CTBP2: variants seen among roughly 807,000 people sequenced by gnomAD.
CTBP2 encodes C-terminal-binding protein 2.
CTBP2 carries 30 observed loss-of-function variants against 80.3 expected under a neutral mutation model. That is an observed-to-expected ratio of 0.37 (90% CI 0.28 to 0.51). CTBP2 has a LOEUF of 0.51. Ranked by LOEUF, CTBP2 falls within the 20% of genes least tolerant of loss-of-function variation. CTBP2 has a pLI of 0.93. For synonymous variants in CTBP2, 594 were observed against 587.4 expected, an observed-to-expected ratio of 1.01 and a Z score of -0.16; for missense variants, 1,212 against 1,375.3, an observed-to-expected ratio of 0.88 and a Z score of 1.88.
intron 2 of CTBP2, among the ~76,000 whole-genome samples, chr10:125,097,510 G>A (rs562991650): frequency 5.3e-5 from 8 of 152,294 alleles, no homozygotes; most frequent in East Asian, 3.9e-4. Flanking sequence ...ACCCAAGGAA[G>A]CCAGCGCAAC....
chr10:124,994,726 G>A (rs373257614), intron 4 of CTBP2, 43 bp from the exon 7 acceptor site: 418 of 1,587,310 alleles, frequency 2.6e-4, no homozygotes, highest in Middle Eastern at 3.3e-4. Context: ...TCCACAGCCC[G>A]CGCCCCAGCG....
chr10:125,047,216 T>C (rs773057914), intron 2 of CTBP2, among the ~76,000 whole-genome samples: 8 of 152,234 alleles, frequency 5.3e-5, no homozygotes, highest in Non-Finnish European at 7.3e-5. Context: ...TGACACCTCT[T>C]ATTCCTGTCT....
At chr10:124,996,303 G>C (rs1228937792) in intron 4 of CTBP2, 1 of 151,564 alleles carries the variant, frequency 6.6e-6, no homozygotes, top group Non-Finnish European at 1.5e-5. Context: ...TGGCGGCACC[G>C]TCCCACCCCG....
chr10:125,004,736 G>A (rs1384840064), intron 1 of CTBP2, among the ~76,000 whole-genome samples: 1 of 152,270 alleles, frequency 6.6e-6, no homozygotes, highest in South Asian at 2.1e-4. Context: ...GAGGCTGGAC[G>A]GTCCAGGCCA....
intron 1 of CTBP2, chr10:125,025,958 G>C: frequency 7.9e-7 from 1 of 1,267,302 alleles, no homozygotes; most frequent in Non-Finnish European, 1.1e-6. Flanking sequence ...CTTCTTGTTT[G>C]GTGGTGTGTG....
chr10:125,146,737 C>G (rs1858854309), intron 1 of CTBP2, among the ~76,000 whole-genome samples: 2 of 152,182 alleles, frequency 1.3e-5, no homozygotes, highest in Admixed American at 1.3e-4. Flanking sequence ...CTATTCACAC[C>G]TGGAGCCCCA....
rs1019659229 is a variant in CTBP2 at position 125,130,350 on chromosome 10, G to A, written c.-205-19257C>T. On this transcript the variant is annotated intron_variant, in intron 1 of 10. Transcript: ENST00000337195. ...AGGTGTGAGCCACCATGCCTGGCCAGCCCACAGGACTTCTAGCCTTCCCTT... is the reference window on the plus strand; with the variant it reads ...AGGTGTGAGCCACCATGCCTGGCCAACCCACAGGACTTCTAGCCTTCCCTT... 2.0e-5 allele frequency among the ~76,000 whole-genome samples: 3 copies of A among 152,176 alleles called. No individual in the cohort carries two copies. The East Asian group carries it at 5.8e-4, about 29-fold the overall frequency.
intron 2 of CTBP2, among the ~76,000 whole-genome samples, chr10:125,087,753 C>A (rs917473633): frequency 6.6e-6 from 1 of 152,246 alleles, no homozygotes; most frequent in Admixed American, 6.5e-5. Flanking sequence ...CCACAACATG[C>A]CTTGTGGCCA....
intron 1 of CTBP2, among the ~76,000 whole-genome samples, chr10:125,111,914 C>T (rs1852348763): frequency 6.6e-6 from 1 of 152,044 alleles, no homozygotes; most frequent in Non-Finnish European, 1.5e-5. Context: ...GAATTTAACA[C>T]TGGAGTTGCT....
intron 1 of CTBP2, among the ~76,000 whole-genome samples, chr10:125,008,409 T>C (rs4962417): frequency 0.95 from 144,820 of 152,346 alleles, 68,937 homozygotes; most frequent in Non-Finnish European, 0.98. Context: ...CCCCATGAAG[T>C]CCCTGCAGGT....
intron 3 of CTBP2, 21 bp downstream of exon 5, chr10:125,002,939 C>G (rs200069004): frequency 2.6e-4 from 412 of 1,610,838 alleles, no homozygotes; most frequent in Non-Finnish European, 3.3e-4. Flanking sequence ...CTCCAGGCAG[C>G]CAGCGCTGCC....
At chr10:125,095,786 T>C (rs1286675213) in intron 2 of CTBP2, among the ~76,000 whole-genome samples, 1 of 152,192 alleles carries the variant, frequency 6.6e-6, no homozygotes, top group Non-Finnish European at 1.5e-5. Context: ...CAGCACAGTT[T>C]CTGTAGGAAG....
intron 1 of CTBP2, among the ~76,000 whole-genome samples, chr10:125,153,178 T>C (rs559136457): frequency 1.3e-5 from 2 of 152,148 alleles, no homozygotes; most frequent in Non-Finnish European, 2.9e-5. Context: ...TTCCCAGGGG[T>C]GTCTCCACTC....
intron 1 of CTBP2, among the ~76,000 whole-genome samples, chr10:125,143,132 C>T (rs981331315): frequency 1.3e-5 from 2 of 152,178 alleles, no homozygotes; most frequent in Admixed American, 6.5e-5. Context: ...AGCCCCCCCA[C>T]GACATCCCGC....
chr10:125,160,605 A>ACCCT (rs1861779784), upstream of CTBP2: 1 of 17,144 alleles, frequency 5.8e-5, no homozygotes, highest in African/African-American at 2.4e-4. Flanking sequence ...CGCCCTCCCC[A>ACCCT]CCCTCCCTCC....
chr10:125,013,417 ACCGCTG>A (rs1404946308), intron 1 of CTBP2, among the ~76,000 whole-genome samples: 1 of 152,232 alleles, frequency 6.6e-6, no homozygotes, highest in Non-Finnish European at 1.5e-5. Flanking sequence ...TCGTGCGGGC[ACCGCTG>A]CCGTCAGCCT....
intron 1 of CTBP2, among the ~76,000 whole-genome samples, chr10:125,008,572 G>GT (rs2134362044): frequency 6.6e-6 from 1 of 152,356 alleles, no homozygotes; most frequent in Admixed American, 6.5e-5. Flanking sequence ...CACAGATGTT[G>GT]TAAGAAGTAC....
At chr10:125,129,072 A>G (rs1005547805) in intron 1 of CTBP2, among the ~76,000 whole-genome samples, 1 of 152,240 alleles carries the variant, frequency 6.6e-6, no homozygotes, top group African/African-American at 2.4e-5. Flanking sequence ...CATGTGTCAT[A>G]ATATACATAC....
rs72416239 is a variant in CTBP2 at position 124,986,279 on chromosome 10, ACGCGCGCGCG to A, written c.*3229_*3238del. On this transcript the variant is annotated 3_prime_UTR_variant, in exon 9 of 9. Transcript: ENST00000309035. ...AGGAATTTGGAAAGACGACACACGC[ACGCGCGCGCG>A]CGCACACACACACACACACACACAC... 0.086 allele frequency: 9,689 copies of A among 112,278 alleles called. 406 individuals carry two copies. Among genetic ancestry groups the A allele is most frequent in the Non-Finnish European group, 0.12 (6,060 of 48,962 alleles). 7.0% of individuals were successfully genotyped at this position (112,278 alleles called of 1,614,324 possible). A position where few individuals can be genotyped will look rare whatever the true frequency, so the allele number is the denominator to read the frequency against.
Sources: gnomAD v4.1 joint callset for allele counts (sites outside exome capture counted in the v4.1 genomes callset) on GRCh38, gnomAD v4.1.1 for gene constraint, MANE v1.5 for transcripts, NCBI Gene and HGNC (gene_info 2026-07-23, HGNC 2026-07-21) for gene names.